Variants in LAMA3 observed in about 807,000 individuals in gnomAD.
LAMA3 encodes laminin subunit alpha 3.
In LAMA3, 281 loss-of-function variants were observed where a neutral mutation model predicts 402.0. The ratio of observed to expected loss-of-function variants is 0.70; its 90% CI spans 0.63 to 0.77. LAMA3 has a LOEUF of 0.77. Ranked by LOEUF, LAMA3 falls within the 30% of genes least tolerant of loss-of-function variation. The pLI is 0.00. For missense variants in LAMA3, 3,840 were observed against 4,215.5 expected (o/e 0.91, Z 2.47); for synonymous variants, 1,431 against 1,558.4 (o/e 0.92, Z 1.93).
At chr18:23,720,094 T>C (rs537941513) in intron 2 of LAMA3, among the ~76,000 whole-genome samples, 1 of 152,346 alleles carries the variant, frequency 6.6e-6, no homozygotes, top group African/African-American at 2.4e-5. Context: ...GCTGAGTTAA[T>C]GTAGAATGAA....
chr18:23,803,312 C>T (rs899629491), intron 12 of LAMA3, among the ~76,000 whole-genome samples: 4 of 152,122 alleles, frequency 2.6e-5, no homozygotes, highest in Admixed American at 6.5e-5. Flanking sequence ...CTCTGCTGCT[C>T]GCAGACTGGG....
chr18:23,920,176 G>A (rs991355437), intron 60 of LAMA3, among the ~76,000 whole-genome samples: 3 of 152,178 alleles, frequency 2.0e-5, no homozygotes, highest in African/African-American at 7.2e-5. Context: ...GTCAGGGAGC[G>A]CATGCACCTG....
Position 23,753,777 on chromosome 18 carries a change from T to C in LAMA3, c.912T>C (p.His304=), listed in dbSNP as rs747582703. The part of the protein sequence containing the change: ...SIGGQCVCNG[H]AEVCNINNPE... Reference sequence around the variant, plus strand: ...GTGGGCAGTGTGTTTGCAATGGCCATGCTGAAGTGTGCAATATAAACAATC... The same window carrying C: ...GTGGGCAGTGTGTTTGCAATGGCCACGCTGAAGTGTGCAATATAAACAATC... Residue 304 remains histidine (H), a synonymous_variant, in exon 6 of 75, where the codon CAT becomes CAC. Coordinates refer to ENST00000313654, the MANE Select transcript of LAMA3 (RefSeq NM_198129.4). 5.6e-6 allele frequency: 9 copies of C among 1,613,842 alleles called. No homozygotes were observed. Among genetic ancestry groups the C allele is most frequent in the Non-Finnish European group, 7.6e-6 (9 of 1,179,808 alleles).
At chr18:23,724,835 C>T (rs1270926405) in intron 2 of LAMA3, among the ~76,000 whole-genome samples, 1 of 152,138 alleles carries the variant, frequency 6.6e-6, no homozygotes, top group Non-Finnish European at 1.5e-5. Flanking sequence ...AGTCACTGTG[C>T]CTGGCACCTC....
At chr18:23,691,919 T>C (rs530389256) in intron 1 of LAMA3, among the ~76,000 whole-genome samples, 4 of 152,306 alleles carry the variant, frequency 2.6e-5, no homozygotes, top group African/African-American at 9.6e-5. Flanking sequence ...GCTGAAAAGA[T>C]ACCTAAAAAA....
At chr18:23,908,023 C>A in intron 54 of LAMA3, 88 bp downstream of exon 54, 1 of 1,317,850 alleles carries the variant, frequency 7.6e-7, no homozygotes, top group Non-Finnish European at 1.1e-6. Context: ...CTGGTAAAGT[C>A]TGATCTCAGA....
intron 36 of LAMA3, among the ~76,000 whole-genome samples, chr18:23,867,200 C>A (rs983292858): frequency 6.6e-6 from 1 of 152,180 alleles, no homozygotes; most frequent in Non-Finnish European, 1.5e-5. Context: ...CCACCGCAGG[C>A]TGGTTCGGTG....
chr18:23,706,447 T>G lies in LAMA3; in HGVS notation c.295-7473T>G, dbSNP rs184730265. Among the ~76,000 whole-genome samples, 104 of 152,336 alleles carry G rather than the reference T, an allele frequency of 6.8e-4. 1 individual carries two copies. The highest frequency in any genetic ancestry group is 1.6e-3 in the Admixed American group (25 of 15,298). Reference sequence around the variant, plus strand: ...CCAATTTATACTCCTACTATGTCTTTTCTAACTCTGGTTATCATCAAACTT... The same window carrying G: ...CCAATTTATACTCCTACTATGTCTTGTCTAACTCTGGTTATCATCAAACTT... On this transcript the variant is annotated intron_variant, in intron 1 of 74. Coordinates refer to ENST00000313654, the MANE Select transcript of LAMA3 (RefSeq NM_198129.4).
rs2083052636 is a variant in LAMA3, at chr18:23,954,660, T to G, written c.*12T>G. The G allele has an allele frequency of 6.2e-7, 1 of 1,613,866 alleles. No homozygotes were observed. The highest frequency in any genetic ancestry group is 1.3e-5 in the African/African-American group (1 of 74,884). On this transcript the variant is annotated 3_prime_UTR_variant, in exon 75 of 75. Transcript: ENST00000313654. Reference sequence around the variant, plus strand: ...GTCCTGACCAGTAACCCAAGCCTATTTCACAGCAAGGAAATTCACCTTCAA... The same window carrying G: ...GTCCTGACCAGTAACCCAAGCCTATGTCACAGCAAGGAAATTCACCTTCAA...
chr18:23,789,750 C>A (rs1440757056), intron 12 of LAMA3, among the ~76,000 whole-genome samples: 1 of 152,096 alleles, frequency 6.6e-6, no homozygotes, highest in Admixed American at 6.5e-5. Flanking sequence ...CCAAAAGTTG[C>A]ACAACTCTGT....
chr18:23,783,455 G>A (rs963168575), intron 11 of LAMA3, among the ~76,000 whole-genome samples: 5 of 152,220 alleles, frequency 3.3e-5, no homozygotes, highest in African/African-American at 1.2e-4. Flanking sequence ...TGGCTGTGCT[G>A]AGAGCTAAGG....
intron 66 of LAMA3, 50 bp from the exon 67 acceptor site, chr18:23,933,732 C>G: frequency 6.2e-7 from 1 of 1,604,606 alleles, no homozygotes. Context: ...GAGGGTCTTC[C>G]TCGACATGTC....
chr18:23,753,282 C>A (rs906430929), intron 5 of LAMA3, among the ~76,000 whole-genome samples: 11 of 152,098 alleles, frequency 7.2e-5, no homozygotes, highest in Non-Finnish European at 1.5e-4. Flanking sequence ...CTTCCCAGAA[C>A]CTGGGATAGT....
At chr18:23,698,332 G>A (rs996669203) in intron 1 of LAMA3, among the ~76,000 whole-genome samples, 3 of 149,810 alleles carry the variant, frequency 2.0e-5, no homozygotes, top group African/African-American at 4.9e-5. Context: ...TCAGCCTCCC[G>A]AGTAGCTGGG....
intron 12 of LAMA3, among the ~76,000 whole-genome samples, chr18:23,799,740 A>C (rs4044149): frequency 0.057 from 8,627 of 150,336 alleles, 534 homozygotes; most frequent in Admixed American, 0.18. Flanking sequence ...GTACGTATGG[A>C]GAGAGAGAGA....
At chr18:23,798,679 G>T (rs1357262439) in intron 12 of LAMA3, among the ~76,000 whole-genome samples, 1 of 152,206 alleles carries the variant, frequency 6.6e-6, no homozygotes, top group East Asian at 1.9e-4. Flanking sequence ...GAACATTGAG[G>T]TGATTGGTCA....
chr18:23,785,353 AC>A (rs2062523092), intron 12 of LAMA3, among the ~76,000 whole-genome samples: 1 of 152,192 alleles, frequency 6.6e-6, no homozygotes, highest in African/African-American at 2.4e-5. Flanking sequence ...GGTCAGCCAC[AC>A]TAAGGAACTG....
rs1177534808 is a variant in LAMA3, at chr18:23,816,400, A to T, written c.2060A>T (p.Asp687Val). The T allele has an allele frequency of 6.2e-7, 1 of 1,613,982 alleles. No individual in the cohort carries two copies. The highest frequency in any genetic ancestry group is 2.2e-5 in the East Asian group (1 of 44,860). Residue 687 changes from aspartate (D) to valine (V), a missense_variant, in exon 18 of 75, where the codon GAC (aspartate) becomes GTC (valine). Physicochemically the swap from Asp to Val is radical, Grantham distance 152. Transcript: ENST00000313654. ...TCCTGGCTTTCAGGGTGTCAGTGTG[A>T]CATTGGTGGGGCATTGTCCTCCATG... ...NYFGCQGCQC[D>V]IGGALSSMCS... is the part of the protein sequence containing the mutation.
chr18:23,812,637 C>T (rs927789504), intron 13 of LAMA3, among the ~76,000 whole-genome samples: 14 of 152,062 alleles, frequency 9.2e-5, no homozygotes, highest in African/African-American at 1.9e-4. Flanking sequence ...AACTTTAGTA[C>T]GGGTGGGAAC....
Sources: gnomAD v4.1 joint callset for allele counts (sites outside exome capture counted in the v4.1 genomes callset) on GRCh38, gnomAD v4.1.1 for gene constraint, MANE v1.5 for transcripts, NCBI Gene and HGNC (gene_info 2026-07-23, HGNC 2026-07-21) for gene names.